CCSER1: variants seen among roughly 807,000 people sequenced by gnomAD.
CCSER1 encodes serine-rich coiled-coil domain-containing protein 1.
A neutral mutation model predicts 82.0 loss-of-function variants in CCSER1; 41 were observed. The ratio of observed to expected loss-of-function variants is 0.50; its 90% CI spans 0.39 to 0.65. The LOEUF is 0.65. CCSER1 is among the 30% of genes least tolerant of loss of function. CCSER1 has a pLI of 0.00. For synonymous variants in CCSER1, 414 were observed against 383.9 expected, an observed-to-expected ratio of 1.08 and a Z score of -0.92; for missense variants, 1,119 against 1,064.2, an observed-to-expected ratio of 1.05 and a Z score of -0.72.
chr4:91,340,092 G>A (rs1747610674), intron 10 of CCSER1, among the ~76,000 whole-genome samples: 1 of 152,010 alleles, frequency 6.6e-6, no homozygotes, highest in African/African-American at 2.4e-5. Flanking sequence ...ACTCCAGCCT[G>A]GGCTACAGAG....
intron 1 of CCSER1, among the ~76,000 whole-genome samples, chr4:90,167,181 A>G (rs1327711714): frequency 2.6e-5 from 4 of 152,118 alleles, no homozygotes; most frequent in Non-Finnish European, 5.9e-5. Context: ...AAAGGTGTTA[A>G]ATATTAAAGT....
intron 9 of CCSER1, among the ~76,000 whole-genome samples, chr4:91,004,787 T>C (rs1212286906): frequency 1.3e-5 from 2 of 152,228 alleles, no homozygotes; most frequent in Non-Finnish European, 2.9e-5. Flanking sequence ...TAAATAAAAA[T>C]ATTTTGTCTT....
chr4:91,171,775 A>G (rs558815420), intron 10 of CCSER1, among the ~76,000 whole-genome samples: 2 of 152,320 alleles, frequency 1.3e-5, no homozygotes, highest in South Asian at 4.1e-4. Context: ...TGGATATAAT[A>G]AAATAATCTA....
At chr4:90,170,222 C>T (rs927747941) in intron 1 of CCSER1, among the ~76,000 whole-genome samples, 1 of 151,948 alleles carries the variant, frequency 6.6e-6, no homozygotes, top group Non-Finnish European at 1.5e-5. Context: ...AAATAATTTG[C>T]CTCATGCTAT....
At chr4:91,397,909 G>A (rs1047090925) in intron 10 of CCSER1, among the ~76,000 whole-genome samples, 1 of 151,936 alleles carries the variant, frequency 6.6e-6, no homozygotes, top group Non-Finnish European at 1.5e-5. Context: ...TTTTGGGAAG[G>A]AGATACCAGA....
chr4:90,322,172 G>A (rs1737268702), intron 3 of CCSER1, among the ~76,000 whole-genome samples: 1 of 152,150 alleles, frequency 6.6e-6, no homozygotes, highest in Non-Finnish European at 1.5e-5. Flanking sequence ...GCAAGAGATA[G>A]GCGTGTAGGT....
intron 3 of CCSER1, among the ~76,000 whole-genome samples, chr4:90,334,086 C>A (rs1455005763): frequency 1.3e-5 from 2 of 152,118 alleles, no homozygotes; most frequent in African/African-American, 4.8e-5. Context: ...CTTAACACAA[C>A]CATTACCTTG....
At chr4:91,034,802 A>AT (rs112592491) in intron 9 of CCSER1, among the ~76,000 whole-genome samples, 6,418 of 152,216 alleles carry the variant, frequency 0.042, 179 homozygotes, top group Middle Eastern at 0.065. Context: ...ATTCCTTATT[A>AT]TTTTTTGTGT....
chr4:90,980,679 G>C (rs72665476), intron 9 of CCSER1, among the ~76,000 whole-genome samples: 4 of 151,336 alleles, frequency 2.6e-5, no homozygotes, highest in African/African-American at 9.7e-5. Flanking sequence ...AGTGTGGCAG[G>C]GGCCAGAGGA....
At chr4:90,830,786 G>T (rs1205530636) in intron 8 of CCSER1, among the ~76,000 whole-genome samples, 2 of 151,952 alleles carry the variant, frequency 1.3e-5, no homozygotes, top group Admixed American at 6.6e-5. Context: ...TTTGTTAATT[G>T]TCCTTGGACT....
intron 10 of CCSER1, among the ~76,000 whole-genome samples, chr4:91,523,824 G>T (rs551629156): frequency 6.6e-6 from 1 of 152,156 alleles, no homozygotes; most frequent in South Asian, 2.1e-4. Flanking sequence ...CAAAAAACCA[G>T]CTCCTGGTTT....
intron 1 of CCSER1, among the ~76,000 whole-genome samples, chr4:90,279,297 C>G (rs1187810997): frequency 6.6e-6 from 1 of 151,734 alleles, no homozygotes; most frequent in Non-Finnish European, 1.5e-5. Flanking sequence ...ACTGTATGCA[C>G]ATAGTTTTAT....
At position 90,718,259 on chromosome 4, in the gene CCSER1, C is replaced by T. The variant is rs556609933; in HGVS notation, c.1933-5655C>T. ...ATCATTATAGAATTTACCCTAATGG[C>T]TTAAAAAAGTTAAAATATTTCACCT... On this transcript the variant is annotated intron_variant, in intron 6 of 10. Coordinates refer to ENST00000509176, the MANE Select transcript of CCSER1 (RefSeq NM_001145065.2). 4.6e-3 allele frequency among the ~76,000 whole-genome samples: 706 copies of T among 152,116 alleles called. 8 individuals carry two copies. The highest frequency in any genetic ancestry group is 0.016 in the African/African-American group (674 of 41,498).
intron 10 of CCSER1, among the ~76,000 whole-genome samples, chr4:91,402,882 T>C (rs1204834749): frequency 6.6e-6 from 1 of 152,236 alleles, no homozygotes; most frequent in Non-Finnish European, 1.5e-5. Context: ...ATGAGTGCTC[T>C]TTTTTGGTTC....
In CCSER1 at chr4:91,532,655, G is replaced by A. The variant is rs564505093; in HGVS notation, c.2218-65917G>A. On this transcript the variant is annotated intron_variant, in intron 10 of 10. Transcript: ENST00000509176. Reference sequence around the variant, plus strand: ...GTCTGTAATCCCAGCACTTTGGGAGGCAGAAGCAGAAGGATTGCCTGGGTA... The same window carrying A: ...GTCTGTAATCCCAGCACTTTGGGAGACAGAAGCAGAAGGATTGCCTGGGTA... 1.1e-4 allele frequency among the ~76,000 whole-genome samples: 17 copies of A among 152,102 alleles called. 1 individual carries two copies. In the South Asian group the frequency reaches 3.5e-3, roughly 32 times the overall value.
chr4:90,560,239 T>A (rs963752347), intron 5 of CCSER1, among the ~76,000 whole-genome samples: 1 of 151,988 alleles, frequency 6.6e-6, no homozygotes, highest in Non-Finnish European at 1.5e-5. Context: ...GGGGTATCCC[T>A]TGGTGCACTT....
chr4:90,137,749 C>T (rs1447166820), intron 1 of CCSER1, among the ~76,000 whole-genome samples: 1 of 152,202 alleles, frequency 6.6e-6, no homozygotes, highest in East Asian at 1.9e-4. Flanking sequence ...ATCCAGGGTA[C>T]TAGATCTTGC....
intron 7 of CCSER1, among the ~76,000 whole-genome samples, chr4:90,775,916 T>C (rs911072323): frequency 2.4e-4 from 36 of 151,788 alleles, no homozygotes; most frequent in African/African-American, 8.7e-4. Flanking sequence ...GCCATGTGTG[T>C]GAAGGAGAGT....
At chr4:91,221,662 C>A (rs1279430749) in intron 10 of CCSER1, among the ~76,000 whole-genome samples, 2 of 152,066 alleles carry the variant, frequency 1.3e-5, no homozygotes, top group Non-Finnish European at 2.9e-5. Flanking sequence ...GTAATTACTC[C>A]CTTTTAATAG....
Sources: allele counts gnomAD v4.1 joint callset (sites outside exome capture counted in the v4.1 genomes callset), GRCh38; gene constraint gnomAD v4.1.1; transcripts MANE v1.5; gene names NCBI Gene and HGNC (gene_info 2026-07-23, HGNC 2026-07-21).